ATRNL1: variants seen among roughly 807,000 people sequenced by gnomAD.
ATRNL1 encodes the protein attractin-like protein 1.
Under a neutral mutation model 182.7 loss-of-function variants are expected in ATRNL1, and 95 were observed. The observed-to-expected ratio is 0.52, with a 90% CI of 0.44 to 0.62. ATRNL1 has a LOEUF of 0.62. ATRNL1 is among the 20% of genes least tolerant of loss of function. The probability of loss-of-function intolerance (pLI) is 0.00; values close to 1 mark genes in which losing one functional copy is unlikely to be tolerated. For missense variants in ATRNL1, 1,471 were observed against 1,679.5 expected (o/e 0.88, Z 2.17); for synonymous variants, 576 against 568.3 (o/e 1.01, Z -0.19).
At chr10:115,359,638 T>A (rs529493316) in intron 19 of ATRNL1, among the ~76,000 whole-genome samples, 94 of 151,648 alleles carry the variant, frequency 6.2e-4, no homozygotes, top group African/African-American at 2.2e-3. Flanking sequence ...TAATGCAATA[T>A]TTTATATATA....
At chr10:115,436,497 CT>C (rs1846411889) in intron 21 of ATRNL1, among the ~76,000 whole-genome samples, 2 of 152,020 alleles carry the variant, frequency 1.3e-5, no homozygotes, top group African/African-American at 4.8e-5. Flanking sequence ...CTAGCAAATG[CT>C]GAACCTACAA....
At chr10:115,231,099 G>T (rs1849932469) in intron 9 of ATRNL1, among the ~76,000 whole-genome samples, 2 of 152,180 alleles carry the variant, frequency 1.3e-5, no homozygotes, top group Middle Eastern at 3.4e-3. Context: ...TTGTGGATAT[G>T]TTAAATAGGT....
At chr10:115,702,062 T>G (rs1946754748) in intron 26 of ATRNL1, among the ~76,000 whole-genome samples, 1 of 151,896 alleles carries the variant, frequency 6.6e-6, no homozygotes, top group African/African-American at 2.4e-5. Flanking sequence ...CGTCAAAAAG[T>G]TAATTCACCA....
intron 25 of ATRNL1, among the ~76,000 whole-genome samples, chr10:115,530,626 CTTTT>C (rs537163719): frequency 1.3e-5 from 2 of 151,668 alleles, no homozygotes; most frequent in Admixed American, 6.6e-5. Flanking sequence ...AAAAATAAGA[CTTTT>C]TATTATTATT....
intron 9 of ATRNL1, among the ~76,000 whole-genome samples, chr10:115,239,881 G>A (rs539154605): frequency 2.0e-5 from 3 of 152,262 alleles, no homozygotes; most frequent in East Asian, 1.9e-4. Flanking sequence ...GTAACCCAGA[G>A]CTGGAGGGAA....
intron 25 of ATRNL1, among the ~76,000 whole-genome samples, chr10:115,526,362 C>T (rs192535895): frequency 6.6e-6 from 1 of 152,300 alleles, no homozygotes; most frequent in Admixed American, 6.5e-5. Context: ...CCCACTGGCT[C>T]TTTTATTTAG....
chr10:115,868,991 G>A (rs1383635651), intron 28 of ATRNL1, among the ~76,000 whole-genome samples: 3 of 151,654 alleles, frequency 2.0e-5, no homozygotes, highest in Non-Finnish European at 4.4e-5. Flanking sequence ...CACCACGCCC[G>A]GCTAATTTTT....
intron 5 of ATRNL1, among the ~76,000 whole-genome samples, chr10:115,142,911 C>G (rs1554878386): frequency 6.6e-6 from 1 of 152,084 alleles, no homozygotes; most frequent in Non-Finnish European, 1.5e-5. Context: ...ACAGAGTTGT[C>G]ATCAACTAAT....
intron 27 of ATRNL1, among the ~76,000 whole-genome samples, chr10:115,834,927 C>G (rs1565421481): frequency 6.6e-6 from 1 of 152,114 alleles, no homozygotes; most frequent in Admixed American, 6.6e-5. Flanking sequence ...GTTCTGGATT[C>G]AAAAACCTTT....
intron 28 of ATRNL1, among the ~76,000 whole-genome samples, chr10:115,918,163 C>T (rs921767536): frequency 1.1e-4 from 16 of 139,936 alleles, no homozygotes; most frequent in Non-Finnish European, 2.0e-4. Flanking sequence ...GTGTATTACA[C>T]GATCTCAGCT....
intron 26 of ATRNL1, among the ~76,000 whole-genome samples, chr10:115,710,078 T>C (rs1272859078): frequency 6.6e-6 from 1 of 151,964 alleles, no homozygotes; most frequent in Non-Finnish European, 1.5e-5. Context: ...AATTCTTTAA[T>C]GACTGAGTGT....
chr10:115,231,526 A>G lies in ATRNL1; in HGVS notation c.1533-10045A>G, dbSNP rs542850265. 2.6e-5 allele frequency among the ~76,000 whole-genome samples: 4 copies of G among 152,274 alleles called. No homozygotes were observed. The East Asian group carries it at 5.8e-4, about 22-fold the overall frequency. Reference sequence around the variant, plus strand: ...GTAAGGGATGTGGGACAAGATATATATATTTTTAAGTTTGGAGAAATAATT... The same window carrying G: ...GTAAGGGATGTGGGACAAGATATATGTATTTTTAAGTTTGGAGAAATAATT... On this transcript the variant is annotated intron_variant, in intron 9 of 28. Transcript: ENST00000355044.
intron 28 of ATRNL1, among the ~76,000 whole-genome samples, chr10:115,849,313 T>G (rs898160028): frequency 4.6e-5 from 7 of 152,192 alleles, no homozygotes; most frequent in Non-Finnish European, 1.0e-4. Context: ...ACTGGTCAGA[T>G]AAGATGGATA....
intron 24 of ATRNL1, among the ~76,000 whole-genome samples, chr10:115,515,215 G>C (rs782313847): frequency 4.0e-5 from 6 of 151,402 alleles, no homozygotes; most frequent in Non-Finnish European, 5.9e-5. Context: ...CATAGACACT[G>C]GTACCTTCCA....
At chr10:115,204,253 A>G (rs1225947638) in intron 8 of ATRNL1, among the ~76,000 whole-genome samples, 1 of 151,988 alleles carries the variant, frequency 6.6e-6, no homozygotes, top group Admixed American at 6.6e-5. Flanking sequence ...CAGAGGCAAC[A>G]CTTCTTTCCA....
At chr10:115,260,466 G>C (rs1200064538) in intron 10 of ATRNL1, among the ~76,000 whole-genome samples, 3 of 152,206 alleles carry the variant, frequency 2.0e-5, no homozygotes, top group Non-Finnish European at 2.9e-5. Flanking sequence ...CACCTGATCA[G>C]AATCCCAGAG....
chr10:115,294,737 A>G (rs1295161558), intron 15 of ATRNL1, among the ~76,000 whole-genome samples: 1 of 152,124 alleles, frequency 6.6e-6, no homozygotes, highest in East Asian at 1.9e-4. Flanking sequence ...ATTAGTATGA[A>G]TGGGTCTTGG....
intron 28 of ATRNL1, among the ~76,000 whole-genome samples, chr10:115,854,283 T>G (rs904172590): frequency 6.6e-6 from 1 of 152,212 alleles, no homozygotes; most frequent in African/African-American, 2.4e-5. Context: ...ATCTCTGTAG[T>G]GTTTGACTGT....
intron 22 of ATRNL1, among the ~76,000 whole-genome samples, chr10:115,463,240 C>A (rs1443574072): frequency 4.8e-5 from 7 of 145,024 alleles, no homozygotes; most frequent in Non-Finnish European, 1.1e-4. Flanking sequence ...CATTCTGTCT[C>A]CCCCATCACC....
Sources: gnomAD v4.1 joint callset for allele counts (sites outside exome capture counted in the v4.1 genomes callset) on GRCh38, gnomAD v4.1.1 for gene constraint, MANE v1.5 for transcripts, NCBI Gene and HGNC (gene_info 2026-07-23, HGNC 2026-07-21) for gene names.